Variants in KIAA1328 observed in about 807,000 individuals in gnomAD.
The protein encoded by KIAA1328 is protein hinderin.
KIAA1328 carries 52 observed loss-of-function variants against 68.1 expected under a neutral mutation model. That is an observed-to-expected ratio of 0.76 (90% CI 0.61 to 0.96). KIAA1328 has a LOEUF of 0.96. KIAA1328 is among the 40% of genes least tolerant of loss of function. KIAA1328 has a pLI of 0.00. For synonymous variants in KIAA1328, 232 were observed against 239.4 expected, an observed-to-expected ratio of 0.97 and a Z score of 0.28; for missense variants, 641 against 677.6, an observed-to-expected ratio of 0.95 and a Z score of 0.60.
chr18:37,054,423 A>G (rs140266351), intron 6 of KIAA1328, among the ~76,000 whole-genome samples: 5 of 152,328 alleles, frequency 3.3e-5, no homozygotes, highest in Non-Finnish European at 7.4e-5. Context: ...AGTGTCCATC[A>G]ATGGTGGATT....
chr18:37,066,782 C>G, intron 6 of KIAA1328, 108 bp from the exon 7 acceptor site: 1 of 1,060,248 alleles, frequency 9.4e-7, no homozygotes. Flanking sequence ...TAAGACAAAA[C>G]AACAGCTTTG....
chr18:37,159,738 C>G (rs1490993744), intron 7 of KIAA1328, among the ~76,000 whole-genome samples: 1 of 152,102 alleles, frequency 6.6e-6, no homozygotes, highest in Non-Finnish European at 1.5e-5. Flanking sequence ...CTACTCCTTA[C>G]GTACTCTGGG....
intron 5 of KIAA1328, among the ~76,000 whole-genome samples, chr18:36,927,557 G>A (rs942245276): frequency 6.6e-6 from 1 of 152,074 alleles, no homozygotes; most frequent in Non-Finnish European, 1.5e-5. Context: ...GACTAGTCTG[G>A]GCAATAGGGC....
chr18:37,024,109 C>T (rs1034341457), intron 6 of KIAA1328, among the ~76,000 whole-genome samples: 3 of 152,108 alleles, frequency 2.0e-5, no homozygotes, highest in Non-Finnish European at 4.4e-5. Flanking sequence ...ACTCCTCCTG[C>T]CTCAGCCTCC....
chr18:37,217,207 CATT>C (rs1207807093), intron 9 of KIAA1328, among the ~76,000 whole-genome samples: 7 of 152,132 alleles, frequency 4.6e-5, no homozygotes, highest in African/African-American at 1.7e-4. Flanking sequence ...TCAATCCTGT[CATT>C]ATGATGTTAG....
chr18:37,054,404 A>G (rs2055829102), intron 6 of KIAA1328, among the ~76,000 whole-genome samples: 1 of 152,214 alleles, frequency 6.6e-6, no homozygotes, highest in Non-Finnish European at 1.5e-5. Context: ...AAGGTGTGGA[A>G]TCAACCTAAG....
chr18:36,864,393 C>T (rs1023740490), intron 4 of KIAA1328, among the ~76,000 whole-genome samples: 2 of 151,756 alleles, frequency 1.3e-5, no homozygotes, highest in African/African-American at 4.8e-5. Context: ...GCTCTGCCTC[C>T]TGGGTTCACG....
At chr18:37,061,540 AATCAC>A (rs2056148300) in intron 6 of KIAA1328, among the ~76,000 whole-genome samples, 1 of 152,228 alleles carries the variant, frequency 6.6e-6, no homozygotes, top group African/African-American at 2.4e-5. Flanking sequence ...CTCGGAAGAC[AATCAC>A]ATTAAACCCG....
At chr18:37,115,091 T>A (rs915106105) in intron 7 of KIAA1328, among the ~76,000 whole-genome samples, 2 of 152,164 alleles carry the variant, frequency 1.3e-5, no homozygotes, top group East Asian at 3.9e-4. Context: ...AGGTACAAAG[T>A]GGAGCTGGTA....
intron 6 of KIAA1328, among the ~76,000 whole-genome samples, chr18:37,020,122 C>CT (rs1032657510): frequency 1.3e-4 from 20 of 149,750 alleles, no homozygotes; most frequent in South Asian, 6.4e-4. Context: ...ATAGGTATTT[C>CT]TTTTTTTTTT....
chr18:37,144,253 T>G (rs1193751653), intron 7 of KIAA1328, among the ~76,000 whole-genome samples: 1 of 152,230 alleles, frequency 6.6e-6, no homozygotes, highest in African/African-American at 2.4e-5. Flanking sequence ...GGCTCTATAG[T>G]GATACCATCT....
intron 7 of KIAA1328, among the ~76,000 whole-genome samples, chr18:37,101,229 A>C (rs1320421046): frequency 6.6e-6 from 1 of 152,194 alleles, no homozygotes; most frequent in Non-Finnish European, 1.5e-5. Flanking sequence ...GAGCTAAAGG[A>C]GGAAGTTCGA....
At chr18:36,934,332 T>A (rs1451607188) in intron 5 of KIAA1328, among the ~76,000 whole-genome samples, 1 of 152,178 alleles carries the variant, frequency 6.6e-6, no homozygotes, top group Admixed American at 6.5e-5. Flanking sequence ...TATTATATTT[T>A]CAGTTTTAGG....
chr18:37,185,631 T>C (rs963387672), intron 9 of KIAA1328, among the ~76,000 whole-genome samples: 24 of 152,076 alleles, frequency 1.6e-4, no homozygotes, highest in Non-Finnish European at 4.4e-5. Context: ...TAATGGTAAT[T>C]GGCTAATGTA....
At chr18:37,028,702 A>G (rs1045050422) in intron 6 of KIAA1328, among the ~76,000 whole-genome samples, 11 of 152,130 alleles carry the variant, frequency 7.2e-5, no homozygotes, top group East Asian at 1.9e-4. Context: ...TGTTCCTTCA[A>G]TGCCTAGTTG....
At chr18:37,005,579 G>A (rs993479024) in intron 6 of KIAA1328, among the ~76,000 whole-genome samples, 1 of 152,028 alleles carries the variant, frequency 6.6e-6, no homozygotes, top group Non-Finnish European at 1.5e-5. Context: ...ATTACTAATT[G>A]AACCACTAAT....
At chr18:36,947,416 A>C (rs1345717289) in intron 5 of KIAA1328, among the ~76,000 whole-genome samples, 1 of 152,190 alleles carries the variant, frequency 6.6e-6, no homozygotes, top group Non-Finnish European at 1.5e-5. Flanking sequence ...AAATCAATAC[A>C]TGTAAAGTGT....
chr18:36,951,166 C>T (rs1198082378), intron 5 of KIAA1328, among the ~76,000 whole-genome samples: 3 of 152,176 alleles, frequency 2.0e-5, no homozygotes, highest in South Asian at 2.1e-4. Context: ...TTCCCTGGCT[C>T]CTTGACTATT....
At chr18:37,002,001 C>T (rs2053602104) in intron 6 of KIAA1328, among the ~76,000 whole-genome samples, 2 of 151,882 alleles carry the variant, frequency 1.3e-5, no homozygotes, top group African/African-American at 4.8e-5. Flanking sequence ...GAAGTACTAG[C>T]CAGAACATTC....
Sources: allele counts gnomAD v4.1 joint callset (sites outside exome capture counted in the v4.1 genomes callset), GRCh38; gene constraint gnomAD v4.1.1; transcripts MANE v1.5; gene names NCBI Gene and HGNC (gene_info 2026-07-23, HGNC 2026-07-21).